Variants in RPTOR observed in about 807,000 individuals in gnomAD.
RPTOR encodes the protein regulatory-associated protein of mTOR.
A neutral mutation model predicts 169.9 loss-of-function variants in RPTOR; 21 were observed. The observed-to-expected ratio is 0.12, with a 90% CI of 0.09 to 0.18. The LOEUF is 0.18. Among genes scored for constraint, RPTOR ranks in the 10% least tolerant of loss-of-function variants. The pLI, the probability that RPTOR is intolerant of heterozygous loss-of-function variation, is 1.00. For missense variants in RPTOR, 1,133 were observed against 1,855.9 expected (o/e 0.61, Z 7.16); for synonymous variants, 732 against 753.2 (o/e 0.97, Z 0.46).
In RPTOR at chr17:80,739,613, C is replaced by T. The variant is rs116313782; in HGVS notation, c.654+8907C>T. ...CCTCAACAAGTTTTAAACAGCACAGCGTGTGTTCTTTAACCACAAGAGAAT... is the reference window on the plus strand; with the variant it reads ...CCTCAACAAGTTTTAAACAGCACAGTGTGTGTTCTTTAACCACAAGAGAAT... On this transcript the variant is annotated intron_variant, in intron 5 of 33. Coordinates refer to ENST00000306801, the MANE Select transcript of RPTOR (RefSeq NM_020761.3). 8.4e-3 allele frequency among the ~76,000 whole-genome samples: 1,271 copies of T among 152,092 alleles called. 15 individuals carry two copies. Among genetic ancestry groups the T allele is most frequent in the African/African-American group, 0.029 (1,216 of 41,454 alleles).
chr17:80,831,495 C>T (rs774371573), intron 9 of RPTOR, among the ~76,000 whole-genome samples: 3 of 152,242 alleles, frequency 2.0e-5, no homozygotes, highest in Non-Finnish European at 4.4e-5. Context: ...AGGAGGGAGG[C>T]TTCTGGAAGA....
At chr17:80,822,967 G>A in intron 8 of RPTOR, 112 bp from the exon 9 acceptor site, 1 of 1,142,684 alleles carries the variant, frequency 8.8e-7, no homozygotes, top group Non-Finnish European at 1.3e-6. Flanking sequence ...TGGGAGATAT[G>A]CATATTAGTC....
chr17:80,703,343 C>G (rs1452583986), intron 3 of RPTOR, among the ~76,000 whole-genome samples: 1 of 152,152 alleles, frequency 6.6e-6, no homozygotes, highest in Non-Finnish European at 1.5e-5. Context: ...AAAAACATAT[C>G]CTGTGTTCAC....
At position 80,922,739 on chromosome 17, in the gene RPTOR, C is replaced by T. The variant is rs773361091; in HGVS notation, c.2536C>T (p.Arg846Trp). ...SIAYKATVNA[R>W]PQRVLDTSSL... Reference sequence around the variant, plus strand: ...TTGCCCCTAGGCCACCGTGAACGCCCGGCCGCAGCGCGTCCTGGACACCTC... The same window carrying T: ...TTGCCCCTAGGCCACCGTGAACGCCTGGCCGCAGCGCGTCCTGGACACCTC... The change falls in exon 22 of 34, where the codon CGG (arginine) becomes TGG (tryptophan). Residue 846 changes from arginine (R) to tryptophan (W), a missense_variant. By Grantham distance (101) the Arg-to-Trp change is moderately radical. This residue lies in a region of RPTOR where 123 missense variants were observed against 129.0 expected (regional missense o/e 0.95). Coordinates refer to ENST00000306801, the MANE Select transcript of RPTOR (RefSeq NM_020761.3). 2.5e-6 allele frequency: 4 copies of T among 1,588,060 alleles called. No individual in the cohort carries two copies. Among genetic ancestry groups the T allele is most frequent in the Non-Finnish European group, 3.4e-6 (4 of 1,171,048 alleles).
At chr17:80,745,534 G>T (rs1371163280) in intron 5 of RPTOR, among the ~76,000 whole-genome samples, 1 of 152,080 alleles carries the variant, frequency 6.6e-6, no homozygotes, top group Non-Finnish European at 1.5e-5. Flanking sequence ...TTTCTGCTTT[G>T]CATCTGCTCT....
rs1356540766 is a variant in RPTOR, at chr17:80,845,468, T to C, written c.1213-1005T>C. 6.6e-6 allele frequency among the ~76,000 whole-genome samples: 1 copy of C among 151,498 alleles called. No individual in the cohort carries two copies. The highest frequency in any genetic ancestry group is 1.5e-5 in the Non-Finnish European group (1 of 67,906). ...CAGTCGCATGACCGCCTCTGCCGGG[T>C]CCTCCAGCCCTCCCCCTGCTTCTCT... is the stretch of plus-strand genomic sequence containing the variant. On this transcript the variant is annotated intron_variant, in intron 10 of 33. Coordinates refer to ENST00000306801, the MANE Select transcript of RPTOR (RefSeq NM_020761.3). This position sits in a 1 kb window ranked among gnomAD's most constrained non-coding sequence, Gnocchi z 5.4.
At chr17:80,923,369 G>A in intron 22 of RPTOR, 121 bp from the exon 23 acceptor site, 1 of 1,061,818 alleles carries the variant, frequency 9.4e-7, no homozygotes. Context: ...GGTGACTGAG[G>A]ACACCCCGGG....
chr17:80,896,870 A>G (rs7225506), intron 20 of RPTOR, among the ~76,000 whole-genome samples: 110,679 of 152,144 alleles, frequency 0.73, 40,652 homozygotes, highest in Admixed American at 0.79. Context: ...AAGACAGTCT[A>G]ACTTTCTGCA....
rs201877395 is a variant in RPTOR at position 80,794,540 on chromosome 17, C to G, written c.890+3031C>G. Among the ~76,000 whole-genome samples the G allele has an allele frequency of 2.0e-5, 3 of 152,306 alleles. No homozygotes were observed. In the East Asian group the frequency reaches 5.8e-4, roughly 29 times the overall value. ...AATGTCCATAAACCTGCCAACATGT[C>G]CCCGCATTCCTACTCCTGGATATGT... On this transcript the variant is annotated intron_variant, in intron 7 of 33. Transcript: ENST00000306801.
At chr17:80,795,522 T>G (rs1224149679) in intron 7 of RPTOR, among the ~76,000 whole-genome samples, 2 of 152,064 alleles carry the variant, frequency 1.3e-5, no homozygotes, top group African/African-American at 4.8e-5. Context: ...CCTTCTCCTG[T>G]GCCAAGTGAT....
intron 6 of RPTOR, among the ~76,000 whole-genome samples, chr17:80,787,952 A>G (rs1413857881): frequency 6.6e-6 from 1 of 151,952 alleles, no homozygotes; most frequent in African/African-American, 2.4e-5. Flanking sequence ...AAATGTTAAC[A>G]AGTTTGTGTG....
intron 21 of RPTOR, among the ~76,000 whole-genome samples, chr17:80,919,890 C>T (rs971485129): frequency 2.0e-5 from 3 of 152,244 alleles, no homozygotes; most frequent in African/African-American, 7.2e-5. Context: ...CACCCTTGAC[C>T]TCTGCAGGCT....
chr17:80,816,431 AGAAG>A (rs2067324224), intron 7 of RPTOR, among the ~76,000 whole-genome samples: 3 of 152,300 alleles, frequency 2.0e-5, no homozygotes, highest in Admixed American at 1.3e-4. Context: ...CCAGCAGTGG[AGAAG>A]ATGGAGGCAT....
chr17:80,708,845 T>G lies in RPTOR; in HGVS notation c.507+846T>G. 2.6e-6 allele frequency: 2 copies of G among 779,064 alleles called. No individual in the cohort carries two copies. Among genetic ancestry groups the G allele is most frequent in the Non-Finnish European group, 3.1e-6 (2 of 641,400 alleles). 48.3% of individuals were successfully genotyped at this position (779,064 alleles called of 1,614,324 possible). The stretch of plus-strand genomic sequence containing the variant: ...GAGCGTGTCTATGAGGGCACTGATT[T>G]GGAATCCAGCAAATCCGAGTCCCAG... On this transcript the variant is annotated intron_variant, in intron 4 of 33. Transcript: ENST00000306801. The surrounding 1 kb of genome is among the most constrained non-coding windows in gnomAD (Gnocchi z 4.2).
chr17:80,761,301 G>A (rs1202680141), intron 6 of RPTOR, among the ~76,000 whole-genome samples: 2 of 152,198 alleles, frequency 1.3e-5, no homozygotes, highest in Non-Finnish European at 1.5e-5. Context: ...GCATGCACTA[G>A]TATTGTCTAT....
intron 3 of RPTOR, among the ~76,000 whole-genome samples, chr17:80,701,990 G>A (rs1410682160): frequency 6.6e-6 from 1 of 152,170 alleles, no homozygotes; most frequent in Non-Finnish European, 1.5e-5. Flanking sequence ...GCCACTGGGA[G>A]CAGAGTCCCT....
chr17:80,964,618 G>A lies in RPTOR; in HGVS notation c.*288G>A, dbSNP rs2069401894. The A allele has an allele frequency of 6.3e-6, 3 of 478,912 alleles. No individual in the cohort carries two copies. Among genetic ancestry groups the A allele is most frequent in the Non-Finnish European group, 1.1e-5 (3 of 264,124 alleles). 29.7% of individuals were successfully genotyped at this position (478,912 alleles called of 1,614,324 possible). A position where few individuals can be genotyped will look rare whatever the true frequency, so the allele number is the denominator to read the frequency against. On this transcript the variant is annotated 3_prime_UTR_variant, in exon 34 of 34. Transcript: ENST00000306801. ...GGCGCCTCTGTCCCTCTCCTGTTCTGTGTTTCTCTGAGACGCTGAAAGGGG... is the reference window on the plus strand; with the variant it reads ...GGCGCCTCTGTCCCTCTCCTGTTCTATGTTTCTCTGAGACGCTGAAAGGGG...
intron 5 of RPTOR, among the ~76,000 whole-genome samples, chr17:80,733,524 C>G (rs1010102826): frequency 2.6e-5 from 4 of 152,156 alleles, no homozygotes; most frequent in Non-Finnish European, 5.9e-5. Context: ...TGGAGGGTGT[C>G]TCCTTCCCTG....
At chr17:80,846,295 C>A (rs2067729183) in intron 10 of RPTOR, among the ~76,000 whole-genome samples, 178 bp from the exon 11 acceptor site, 1 of 152,270 alleles carries the variant, frequency 6.6e-6, no homozygotes, top group Non-Finnish European at 1.5e-5. Context: ...GTGCACCCCG[C>A]AGGCTCTCCC....
Sources: allele counts gnomAD v4.1 joint callset (sites outside exome capture counted in the v4.1 genomes callset), GRCh38; gene constraint gnomAD v4.1.1; regional missense constraint gnomAD v4.1.1; non-coding constraint Gnocchi (gnomAD v3.1); transcripts MANE v1.5; gene names NCBI Gene and HGNC (gene_info 2026-07-23, HGNC 2026-07-21).